The following WDR25 variants were observed in gnomAD, a reference collection of about 807,000 sequenced individuals.
The protein encoded by WDR25 is WD repeat domain 25, also known as WD repeat-containing protein 25.
In WDR25, 35 loss-of-function variants were observed where a neutral mutation model predicts 47.7. The observed-to-expected ratio is 0.73, with a 90% CI of 0.56 to 0.97. The LOEUF (loss-of-function observed/expected upper bound fraction) is 0.97, where lower values mean the gene tolerates loss of function less well. WDR25 is among the 50% of genes least tolerant of loss of function. The pLI, the probability that WDR25 is intolerant of heterozygous loss-of-function variation, is 0.00. For missense variants in WDR25, 634 were observed against 704.7 expected, an observed-to-expected ratio of 0.90 and a Z score of 1.14; for synonymous variants, 248 against 278.9, an observed-to-expected ratio of 0.89 and a Z score of 1.10.
At chr14:100,452,398 A>G (rs1899065166) in intron 2 of WDR25, among the ~76,000 whole-genome samples, 2 of 152,278 alleles carry the variant, frequency 1.3e-5, no homozygotes, top group South Asian at 4.1e-4. Flanking sequence ...ATAAATAAAT[A>G]TGTTAGGAAG....
At chr14:100,459,498 A>T (rs747508464) in intron 2 of WDR25, among the ~76,000 whole-genome samples, 1 of 152,148 alleles carries the variant, frequency 6.6e-6, no homozygotes, top group Admixed American at 6.5e-5. Flanking sequence ...CCAAATTTAT[A>T]TTTTGAAATC....
intron 5 of WDR25, 138 bp downstream of exon 5, chr14:100,526,178 G>A: frequency 9.2e-7 from 1 of 1,092,356 alleles, no homozygotes; most frequent in Non-Finnish European, 1.3e-6. Context: ...GGGTAGTCAG[G>A]TCTCAGCCTG....
chr14:100,431,288 T>C (rs543800428), intron 2 of WDR25, among the ~76,000 whole-genome samples: 74 of 152,376 alleles, frequency 4.9e-4, no homozygotes, highest in Non-Finnish European at 7.9e-4. Context: ...TCTAGAATCA[T>C]ATAACTGCTT....
At chr14:100,483,534 T>A (rs1451763912) in intron 3 of WDR25, among the ~76,000 whole-genome samples, 1 of 152,210 alleles carries the variant, frequency 6.6e-6, no homozygotes, top group Non-Finnish European at 1.5e-5. Flanking sequence ...TGGCTGATTC[T>A]GAAAAGTATC....
intron 4 of WDR25, chr14:100,503,763 A>T (rs1901020725): frequency 1.3e-5 from 2 of 152,176 alleles, no homozygotes; most frequent in African/African-American, 2.4e-5. Flanking sequence ...TTCTGGACAG[A>T]TGGGACAGAT....
chr14:100,386,313 C>T (rs1199283742), intron 2 of WDR25, among the ~76,000 whole-genome samples: 1 of 152,164 alleles, frequency 6.6e-6, no homozygotes, highest in Non-Finnish European at 1.5e-5. Context: ...TGGTCGGGGG[C>T]CCTACATTCC....
chr14:100,419,593 C>G (rs534659118), intron 2 of WDR25, among the ~76,000 whole-genome samples: 5 of 152,188 alleles, frequency 3.3e-5, no homozygotes, highest in African/African-American at 9.6e-5. Flanking sequence ...GTTTTGGCAG[C>G]CTGGTGTTTT....
intron 3 of WDR25, among the ~76,000 whole-genome samples, chr14:100,474,860 G>T (rs555135991): frequency 1.3e-5 from 2 of 152,326 alleles, no homozygotes; most frequent in South Asian, 4.1e-4. Flanking sequence ...GAGACAGCCC[G>T]TGGATTGGAA....
chr14:100,431,778 C>T (rs1234489229), intron 2 of WDR25, among the ~76,000 whole-genome samples: 6 of 151,662 alleles, frequency 4.0e-5, no homozygotes, highest in East Asian at 3.9e-4. Context: ...GGCATGATCT[C>T]GGCTCACTGC....
At chr14:100,479,211 C>G (rs1398188831) in intron 3 of WDR25, among the ~76,000 whole-genome samples, 2 of 152,116 alleles carry the variant, frequency 1.3e-5, no homozygotes, top group East Asian at 3.9e-4. Context: ...TGTGCTGCCA[C>G]ATTGCTGCTC....
At chr14:100,382,211 G>A (rs1896920770) in intron 2 of WDR25, 1 of 702,808 alleles carries the variant, frequency 1.4e-6, no homozygotes, top group Admixed American at 2.0e-5. Context: ...CCGTGGACAA[G>A]TACACAGACT....
chr14:100,388,176 C>T (rs567157184), intron 2 of WDR25, among the ~76,000 whole-genome samples: 17 of 152,066 alleles, frequency 1.1e-4, no homozygotes, highest in African/African-American at 1.4e-4. Context: ...ATTCTAAGCA[C>T]GAGGCAAATC....
At chr14:100,389,017 C>T (rs1484010279) in intron 2 of WDR25, among the ~76,000 whole-genome samples, 1 of 152,190 alleles carries the variant, frequency 6.6e-6, no homozygotes, top group African/African-American at 2.4e-5. Flanking sequence ...GGAGTCGAGA[C>T]AGTCTAGTAA....
At chr14:100,472,424 C>T (rs974546186) in intron 3 of WDR25, among the ~76,000 whole-genome samples, 3 of 152,252 alleles carry the variant, frequency 2.0e-5, no homozygotes, top group African/African-American at 7.2e-5. Context: ...TACCACACCA[C>T]CTGGTGCTGG....
At chr14:100,462,454 T>C (rs966596842) in intron 2 of WDR25, among the ~76,000 whole-genome samples, 2 of 152,210 alleles carry the variant, frequency 1.3e-5, no homozygotes, top group African/African-American at 4.8e-5. Context: ...TAAATTCAAT[T>C]AAGGAGACCA....
chr14:100,476,964 A>G (rs1215092900), intron 3 of WDR25, among the ~76,000 whole-genome samples: 1 of 152,160 alleles, frequency 6.6e-6, no homozygotes, highest in African/African-American at 2.4e-5. Flanking sequence ...GTCATGCTGA[A>G]TGGAAGAGGA....
At chr14:100,511,953 C>G (rs544156191) in intron 4 of WDR25, among the ~76,000 whole-genome samples, 2 of 152,096 alleles carry the variant, frequency 1.3e-5, no homozygotes, top group East Asian at 1.9e-4. Context: ...GGATAAACTT[C>G]ACTTGATCAT....
At chr14:100,376,849 ATTTC>A in intron 1 of WDR25, 1 of 916,884 alleles carries the variant, frequency 1.1e-6, no homozygotes, top group Non-Finnish European at 1.4e-6. Flanking sequence ...GGAATATCCT[ATTTC>A]TTTTACTTCC....
intron 2 of WDR25, among the ~76,000 whole-genome samples, chr14:100,431,940 C>T (rs1898352157): frequency 6.6e-6 from 1 of 152,158 alleles, no homozygotes; most frequent in African/African-American, 2.4e-5. Flanking sequence ...GAACTACTGA[C>T]CTCAGGTGAT....
Sources: allele counts gnomAD v4.1 joint callset (sites outside exome capture counted in the v4.1 genomes callset), GRCh38; gene constraint gnomAD v4.1.1; transcripts MANE v1.5; gene names NCBI Gene and HGNC (gene_info 2026-07-23, HGNC 2026-07-21).